HHATL: variants seen among roughly 807,000 people sequenced by gnomAD.
HHATL encodes hedgehog acyltransferase like.
Under a neutral mutation model 59.7 loss-of-function variants are expected in HHATL, and 49 were observed. The ratio of observed to expected loss-of-function variants is 0.82; its 90% CI spans 0.65 to 1.04. HHATL has a LOEUF of 1.04. Among genes scored for constraint, HHATL ranks in the 50% least tolerant of loss-of-function variants. HHATL has a pLI of 0.00. For synonymous variants in HHATL, 238 were observed against 257.3 expected, an observed-to-expected ratio of 0.93 and a Z score of 0.72; for missense variants, 605 against 650.8, an observed-to-expected ratio of 0.93 and a Z score of 0.77.
intron 3 of HHATL, among the ~76,000 whole-genome samples, 175 bp from the exon 4 acceptor site, chr3:42,699,320 C>T (rs1051627954): frequency 6.6e-6 from 1 of 152,130 alleles, no homozygotes; most frequent in African/African-American, 2.4e-5. Context: ...ACTAGCCAAA[C>T]CCAACGTGTC....
Position 42,692,829 on chromosome 3 carries a change from G to T in HHATL, c.1437C>A (p.Gly479=), listed in dbSNP as rs142843734. 1.2e-6 allele frequency: 2 copies of T among 1,614,206 alleles called. No homozygotes were observed. The highest frequency in any genetic ancestry group is 2.7e-5 in the African/African-American group (2 of 75,056). ...TLSILFVTYC[G]VQLVKERERT... ...GCTCACGCTCCTTTACCAGCTGGACGCCACAGTAGGTGACAAACAGGATGG... is the reference window on the plus strand; with the variant it reads ...GCTCACGCTCCTTTACCAGCTGGACTCCACAGTAGGTGACAAACAGGATGG... Residue 479 remains glycine (G), a synonymous_variant, in exon 12 of 12, where the codon GGC becomes GGA. Coordinates refer to ENST00000441594, the MANE Select transcript of HHATL (RefSeq NM_020707.4).
chr3:42,699,004 G>C, intron 4 of HHATL, 28 bp downstream of exon 4: 1 of 1,612,584 alleles, frequency 6.2e-7, no homozygotes, highest in Non-Finnish European at 8.5e-7. Context: ...CTGGCAGGGA[G>C]AGGCTGGGTG....
At chr3:42,698,383 C>T (rs1697750175) in intron 5 of HHATL, 32 bp from the exon 6 acceptor site, 1 of 1,588,182 alleles carries the variant, frequency 6.3e-7, no homozygotes, top group Non-Finnish European at 8.6e-7. Context: ...CACCAGCTCA[C>T]TAGGGTGCCT....
chr3:42,698,067 C>G, intron 6 of HHATL, 75 bp downstream of exon 6: 1 of 1,439,414 alleles, frequency 6.9e-7, no homozygotes, highest in Non-Finnish European at 9.8e-7. Context: ...TTGGGGAATT[C>G]TATCTGAGAT....
rs1031165990 is a variant in HHATL at position 42,698,040 on chromosome 3, A to G, written c.693+102T>C. The G allele has an allele frequency of 5.8e-6, 7 of 1,197,780 alleles. No individual in the cohort carries two copies. The South Asian group carries it at 9.3e-5, about 16-fold the overall frequency. 74.2% of individuals were successfully genotyped at this position (1,197,780 alleles called of 1,614,324 possible). A position where few individuals can be genotyped will look rare whatever the true frequency, so the allele number is the denominator to read the frequency against. On this transcript the variant is annotated intron_variant, in intron 6 of 11. Transcript: ENST00000441594. ...CTTCATCCTGGAATCATGCCTGAGG[A>G]TGGGGATACAGCCTGCTTGGGGAAT...
rs902084551 is a variant in HHATL at position 42,701,856 on chromosome 3, C to T, written c.-14+723G>A. Reference sequence around the variant, plus strand: ...CATGTCCAGGCAACTCTTGGGCTGACGGGGCCAAGAGGTGGCTGATGTGGC... The same window carrying T: ...CATGTCCAGGCAACTCTTGGGCTGATGGGGCCAAGAGGTGGCTGATGTGGC... On this transcript the variant is annotated intron_variant, in intron 1 of 11. Transcript: ENST00000441594. This position sits in a 1 kb window ranked among gnomAD's most constrained non-coding sequence, Gnocchi z 5.1. Among the ~76,000 whole-genome samples the T allele has an allele frequency of 3.9e-5, 6 of 152,202 alleles. No homozygotes were observed. The highest frequency in any genetic ancestry group is 1.4e-4 in the African/African-American group (6 of 41,460).
chr3:42,697,210 T>G, intron 7 of HHATL, 65 bp from the exon 8 acceptor site: 1 of 1,495,472 alleles, frequency 6.7e-7, no homozygotes, highest in East Asian at 2.3e-5. Context: ...ATGAAGACCC[T>G]GTCCCACCAC....
intron 2 of HHATL, among the ~76,000 whole-genome samples, chr3:42,700,136 C>G (rs550231274): frequency 2.9e-5 from 3 of 103,832 alleles, no homozygotes; most frequent in African/African-American, 7.7e-5. Context: ...GTCTAGGTCT[C>G]TGTGTGTGTG....
At chr3:42,694,681 C>T (rs751077099) in intron 9 of HHATL, among the ~76,000 whole-genome samples, 10 of 152,210 alleles carry the variant, frequency 6.6e-5, no homozygotes, top group Admixed American at 1.3e-4. Context: ...TACCTTTACA[C>T]CCACACAGTT....
intron 7 of HHATL, 88 bp downstream of exon 7, chr3:42,697,420 G>A: frequency 6.9e-7 from 1 of 1,457,954 alleles, no homozygotes. Context: ...GCGTGCCTCA[G>A]CTCCCCTGAC....
intron 6 of HHATL, 57 bp from the exon 7 acceptor site, chr3:42,697,736 C>T: frequency 6.5e-7 from 1 of 1,549,480 alleles, no homozygotes; most frequent in South Asian, 1.2e-5. Context: ...GGAGCCCTGT[C>T]TGAGGGGGGC....
rs1448917902 is a variant in HHATL, at chr3:42,692,729, C to G, written c.*22G>C. ...TGGCCCAAGAATAGCTGAGCAGAGCCCATCCCTCTACCCGCTCCCTCCTAC... is the reference window on the plus strand; with the variant it reads ...TGGCCCAAGAATAGCTGAGCAGAGCGCATCCCTCTACCCGCTCCCTCCTAC... On this transcript the variant is annotated 3_prime_UTR_variant, in exon 12 of 12. Coordinates refer to ENST00000441594, the MANE Select transcript of HHATL (RefSeq NM_020707.4). 3.1e-6 allele frequency: 5 copies of G among 1,614,202 alleles called. No individual in the cohort carries two copies. The highest frequency in any genetic ancestry group is 2.7e-5 in the African/African-American group (2 of 75,056).
chr3:42,696,987 T>C lies in HHATL; in HGVS notation c.1010+14A>G, dbSNP rs769164962. ...CCCAGGGGGTGAGCCTCCCCCGTCC[T>C]GGCCAGCACTCACGTTTCCGCAAAG... is the stretch of plus-strand genomic sequence containing the variant. On this transcript the variant is annotated intron_variant, in intron 8 of 11. Coordinates refer to ENST00000441594, the MANE Select transcript of HHATL (RefSeq NM_020707.4). The C allele has an allele frequency of 6.2e-7, 1 of 1,610,816 alleles. No individual in the cohort carries two copies. Among genetic ancestry groups the C allele is most frequent in the Admixed American group, 1.7e-5 (1 of 59,784 alleles).
chr3:42,699,667 G>A (rs754391310), intron 3 of HHATL, 91 bp downstream of exon 3: 2 of 1,115,920 alleles, frequency 1.8e-6, no homozygotes. Context: ...CCAGAGCTGT[G>A]AGAAGCTCTC....
At chr3:42,699,607 A>G in intron 3 of HHATL, 151 bp downstream of exon 3, 1 of 654,016 alleles carries the variant, frequency 1.5e-6, no homozygotes, top group Non-Finnish European at 2.7e-6. Flanking sequence ...AGGAGGATAC[A>G]GGAGGGGCCA....
At chr3:42,700,060 G>A (rs1234994254) in intron 2 of HHATL, among the ~76,000 whole-genome samples, 1 of 151,400 alleles carries the variant, frequency 6.6e-6, no homozygotes, top group East Asian at 1.9e-4. Flanking sequence ...GTGTTTGTGT[G>A]TGTGTCGGGG....
chr3:42,699,862 C>T, intron 2 of HHATL, 37 bp from the exon 3 acceptor site: 1 of 1,517,696 alleles, frequency 6.6e-7, no homozygotes, highest in Admixed American at 2.0e-5. Flanking sequence ...GAGGGGCCTT[C>T]ACATCCCCTG....
chr3:42,699,856 G>A, intron 2 of HHATL, 31 bp from the exon 3 acceptor site: 2 of 1,533,358 alleles, frequency 1.3e-6, no homozygotes, highest in Non-Finnish European at 1.8e-6. Flanking sequence ...CAGGGAGAGG[G>A]GCCTTCACAT....
At chr3:42,698,394 C>G in intron 5 of HHATL, 43 bp from the exon 6 acceptor site, 1 of 1,568,958 alleles carries the variant, frequency 6.4e-7, no homozygotes, top group Non-Finnish European at 8.7e-7. Flanking sequence ...TAGGGTGCCT[C>G]CTGTCTCTGG....
Sources: allele counts gnomAD v4.1 joint callset (sites outside exome capture counted in the v4.1 genomes callset), GRCh38; gene constraint gnomAD v4.1.1; non-coding constraint Gnocchi (gnomAD v3.1); transcripts MANE v1.5; gene names NCBI Gene and HGNC (gene_info 2026-07-23, HGNC 2026-07-21).